Variants in SUPT7L observed in about 807,000 individuals in gnomAD.
SUPT7L encodes the protein STAGA complex 65 subunit gamma.
A neutral mutation model predicts 35.7 loss-of-function variants in SUPT7L; 15 were observed. That is an observed-to-expected ratio of 0.42 (90% CI 0.28 to 0.65). SUPT7L has a LOEUF of 0.65. SUPT7L is among the 30% of genes least tolerant of loss of function. The probability of loss-of-function intolerance (pLI) is 0.23; values close to 1 mark genes in which losing one functional copy is unlikely to be tolerated. For missense variants in SUPT7L, 434 were observed against 522.2 expected, an observed-to-expected ratio of 0.83 and a Z score of 1.65; for synonymous variants, 168 against 186.2, an observed-to-expected ratio of 0.90 and a Z score of 0.79.
At chr2:27,661,447 A>G (rs776041964) in intron 2 of SUPT7L, 59 bp from the exon 3 acceptor site, 11 of 1,602,528 alleles carry the variant, frequency 6.9e-6, no homozygotes, top group Non-Finnish European at 9.3e-6. Flanking sequence ...CAATAACCTA[A>G]AAGTAATGTG....
Position 27,658,757 on chromosome 2 carries a change from C to G in SUPT7L, c.420-1088G>C, listed in dbSNP as rs1050931666. 2.6e-5 allele frequency among the ~76,000 whole-genome samples: 4 copies of G among 152,040 alleles called. No homozygotes were observed. In the East Asian group the frequency reaches 7.7e-4, roughly 29 times the overall value. ...TAATTGCCAAGTAACTTTTCATTTA[C>G]TATCTTCATCATTTCCATGGCCAGT... On this transcript the variant is annotated intron_variant, in intron 3 of 5. Coordinates refer to ENST00000337768, the MANE Select transcript of SUPT7L (RefSeq NM_014860.3).
chr2:27,661,458 T>TTTAA, intron 2 of SUPT7L, 70 bp from the exon 3 acceptor site: 1 of 1,586,202 alleles, frequency 6.3e-7, no homozygotes. Flanking sequence ...AAGTAATGTG[T>TTTAA]TTAAATCCTG....
chr2:27,651,598 A>G lies in SUPT7L; in HGVS notation c.*1887T>C, dbSNP rs1196503487. 1 of 152,252 alleles carries G rather than the reference A, an allele frequency of 6.6e-6. No individual in the cohort carries two copies. Among genetic ancestry groups the G allele is most frequent in the African/African-American group, 2.4e-5 (1 of 41,466 alleles). 9.4% of individuals were successfully genotyped at this position (152,252 alleles called of 1,614,324 possible). A position where few individuals can be genotyped will look rare whatever the true frequency, so the allele number is the denominator to read the frequency against. On this transcript the variant is annotated 3_prime_UTR_variant, in exon 6 of 6. Transcript: ENST00000337768. ...AAGAGGAGAACATTCGCAAAACTCA[A>G]GCATACTTGGTTTTTCTCTGTAGTA...
At chr2:27,660,458 A>C in intron 3 of SUPT7L, among the ~76,000 whole-genome samples, 1 of 152,130 alleles carries the variant, frequency 6.6e-6, no homozygotes. Flanking sequence ...TCCTGGCCTC[A>C]AGTGATCCAC....
chr2:27,650,187 G>T (rs35943531), downstream of SUPT7L: 480 of 1,590,614 alleles, frequency 3.0e-4, 1 homozygote, highest in Non-Finnish European at 4.0e-4. Flanking sequence ...TACTGGAAGA[G>T]AAACAATAAA....
In SUPT7L at chr2:27,655,415, C is replaced by T; in HGVS notation, c.932G>A (p.Ser311Asn). The change falls in exon 5 of 6, where the codon AGC becomes AAC. Residue 311 changes from serine to asparagine, a missense_variant. Ser to Asn is a conservative substitution (Grantham distance 46). Around this residue, in one of 3 missense-constraint regions of SUPT7L, gnomAD observed 159 missense variants for 217.1 expected, o/e 0.73. Coordinates refer to ENST00000337768, the MANE Select transcript of SUPT7L (RefSeq NM_014860.3). The part of the protein sequence containing the change: ...SLPMGVLGAQ[S>N]ERFPSNLEVE... ...CTCCAGGTTAGATGGGAAGCGTTCG[C>T]TCTGAGCCCCAAGCACTCCCATAGG... is the stretch of plus-strand genomic sequence containing the variant. 6.2e-7 allele frequency: 1 copy of T among 1,611,542 alleles called. No individual in the cohort carries two copies. The highest frequency in any genetic ancestry group is 1.3e-5 in the African/African-American group (1 of 74,896).
chr2:27,663,572 G>C lies in SUPT7L; in HGVS notation c.-333C>G. 1 of 600,238 alleles carries C rather than the reference G, an allele frequency of 1.7e-6. No homozygotes were observed. The highest frequency in any genetic ancestry group is 2.0e-5 in the South Asian group (1 of 49,972). 37.2% of individuals were successfully genotyped at this position (600,238 alleles called of 1,614,324 possible). ...TGGACCTCGAGAGGCCTGAGGCAAGGATCGCGTCAGACCCCGAAAGCTGGT... is the reference window on the plus strand; with the variant it reads ...TGGACCTCGAGAGGCCTGAGGCAAGCATCGCGTCAGACCCCGAAAGCTGGT... On this transcript the variant is annotated 5_prime_UTR_variant, in exon 1 of 6. It adds an upstream start codon to the 5' untranslated region. Coordinates refer to ENST00000337768, the MANE Select transcript of SUPT7L (RefSeq NM_014860.3).
At chr2:27,661,611 T>C in intron 2 of SUPT7L, 1 of 1,391,238 alleles carries the variant, frequency 7.2e-7, no homozygotes, top group South Asian at 1.6e-5. Flanking sequence ...CCTAAATAAA[T>C]TAAGAGAAAT....
chr2:27,658,492 C>T (rs566505186), intron 3 of SUPT7L, among the ~76,000 whole-genome samples: 5 of 152,242 alleles, frequency 3.3e-5, no homozygotes, highest in South Asian at 4.1e-4. Flanking sequence ...ACTTAAGAAG[C>T]TTTTAATAAT....
At position 27,661,179 on chromosome 2, in the gene SUPT7L, C is replaced by T. The variant is rs184249965; in HGVS notation, c.224G>A (p.Arg75His). The change falls in exon 3 of 6, where the codon CGT becomes CAT. Residue 75 changes from arginine to histidine, a missense_variant. Transcript: ENST00000337768. ...AGCTGTGGCAATAAGGTTGCGAAGA[C>T]GTCGGTTGTGCTGAATCAACTGAAT... The part of the protein sequence containing the change: ...HTIQLIQHNR[R>H]LRNLIATAQA... The T allele has an allele frequency of 8.3e-5, 134 of 1,614,084 alleles. No homozygotes were observed. The East Asian group carries it at 1.5e-3, about 18-fold the overall frequency.
At position 27,663,393 on chromosome 2, in the gene SUPT7L, C is replaced by A. The variant is rs1675214190; in HGVS notation, c.-154G>T. On this transcript the variant is annotated 5_prime_UTR_variant, in exon 1 of 6. Coordinates refer to ENST00000337768, the MANE Select transcript of SUPT7L (RefSeq NM_014860.3). Reference sequence around the variant, plus strand: ...GCCCAAGTCCCTCCAGGGGTTTCCTCGGTCACGGTCCGCCGGCGCAGGCGC... The same window carrying A: ...GCCCAAGTCCCTCCAGGGGTTTCCTAGGTCACGGTCCGCCGGCGCAGGCGC... 1 of 226,468 alleles carries A rather than the reference C, an allele frequency of 4.4e-6. No homozygotes were observed. Among genetic ancestry groups the A allele is most frequent in the East Asian group, 1.0e-4 (1 of 9,662 alleles). 14.0% of individuals were successfully genotyped at this position (226,468 alleles called of 1,614,324 possible).
At chr2:27,645,706 A>ATT in the SUPT7L span, among the ~76,000 whole-genome samples, 4 of 146,278 alleles carry the variant, frequency 2.7e-5, no homozygotes, top group Admixed American at 2.7e-4. Context: ...TTTCTTTTTA[A>ATT]TTTTTTTTTT....
At position 27,652,368 on chromosome 2, in the gene SUPT7L, A is replaced by T. The variant is rs1221985709; in HGVS notation, c.*1117T>A. On this transcript the variant is annotated 3_prime_UTR_variant, in exon 6 of 6. Transcript: ENST00000337768. The stretch of plus-strand genomic sequence containing the variant: ...TGGTCTGCATTAAAGGAGTGGTCTA[A>T]ATTTTACAAGATATATTTTGCATCA... 6.6e-6 allele frequency: 1 copy of T among 152,364 alleles called. No homozygotes were observed. Among genetic ancestry groups the T allele is most frequent in the Admixed American group, 6.5e-5 (1 of 15,280 alleles). 9.4% of individuals were successfully genotyped at this position (152,364 alleles called of 1,614,324 possible). A position where few individuals can be genotyped will look rare whatever the true frequency, so the allele number is the denominator to read the frequency against.
chr2:27,646,576 C>G (rs570320974), downstream of SUPT7L, among the ~76,000 whole-genome samples: 3 of 152,226 alleles, frequency 2.0e-5, no homozygotes, highest in Middle Eastern at 3.4e-3. Flanking sequence ...CTTCCACCCC[C>G]ACCCCTGTAT....
At chr2:27,654,804 G>A (rs1214182271) in intron 5 of SUPT7L, among the ~76,000 whole-genome samples, 2 of 152,074 alleles carry the variant, frequency 1.3e-5, no homozygotes, top group Non-Finnish European at 2.9e-5. Flanking sequence ...CTGACCTCGT[G>A]ATTCGCCCGC....
the SUPT7L span, among the ~76,000 whole-genome samples, chr2:27,645,171 A>C: frequency 1.3e-5 from 2 of 151,910 alleles, no homozygotes; most frequent in Admixed American, 1.3e-4. Context: ...AGGTCTCACC[A>C]TGTTGCCCAG....
downstream of SUPT7L, chr2:27,650,456 AC>A (rs1270960091): frequency 4.0e-6 from 1 of 247,858 alleles, no homozygotes; most frequent in African/African-American, 2.3e-5. Flanking sequence ...CTGAGCTGAT[AC>A]TCTTCCAAGC....
chr2:27,653,445 G>A lies in SUPT7L; in HGVS notation c.*40C>T, dbSNP rs898058650. 4.4e-6 allele frequency: 7 copies of A among 1,587,120 alleles called. 1 individual carries two copies. The highest frequency in any genetic ancestry group is 1.7e-5 in the Admixed American group (1 of 57,588). ...TCTAATACAAAAACCTTTTCTGTTG[G>A]GTCTAGTAGGTCTGGACAAAACATC... On this transcript the variant is annotated 3_prime_UTR_variant, in exon 6 of 6. Transcript: ENST00000337768.
intron 1 of SUPT7L, 21 bp from the exon 2 acceptor site, chr2:27,662,302 A>T: frequency 8.3e-7 from 1 of 1,210,132 alleles, no homozygotes; most frequent in Non-Finnish European, 1.2e-6. Flanking sequence ...GAAGAGAAAC[A>T]GAAGCAGAAT....
Sources: gnomAD v4.1 joint callset for allele counts (sites outside exome capture counted in the v4.1 genomes callset) on GRCh38, gnomAD v4.1.1 for gene constraint, gnomAD v4.1.1 regional missense constraint, MANE v1.5 for transcripts, NCBI Gene and HGNC (gene_info 2026-07-23, HGNC 2026-07-21) for gene names.